Variants in RP1 observed in about 807,000 individuals in gnomAD.
RP1 encodes oxygen-regulated protein 1.
In RP1, 16 loss-of-function variants were observed where a neutral mutation model predicts 14.8. The observed-to-expected ratio is 1.08, with a 90% CI of 0.73 to 1.65. The LOEUF (loss-of-function observed/expected upper bound fraction) is 1.65, where lower values mean the gene tolerates loss of function less well. Ranked by LOEUF, RP1 falls within the 40% of genes most tolerant of loss-of-function variation. RP1 has a pLI of 0.00. For synonymous variants in RP1, 876 were observed against 883.6 expected (o/e 0.99, Z 0.15); for missense variants, 2,631 against 2,535.0 (o/e 1.04, Z -0.81).
chr8:54,781,596 G>A (rs1810191859), intron 23 of RP1, among the ~76,000 whole-genome samples: 1 of 152,036 alleles, frequency 6.6e-6, no homozygotes, highest in African/African-American at 2.4e-5. Context: ...ATAGGGCAGT[G>A]GAACTTTTAA....
chr8:54,640,657 G>C (rs945064453), intron 3 of RP1, among the ~76,000 whole-genome samples: 2 of 152,142 alleles, frequency 1.3e-5, no homozygotes, highest in East Asian at 1.9e-4. Context: ...GAGTCCTAGA[G>C]AGAACTACAC....
intron 5 of RP1, among the ~76,000 whole-genome samples, chr8:54,654,194 GT>G: frequency 6.6e-6 from 1 of 152,134 alleles, no homozygotes. Flanking sequence ...TTAGATATTG[GT>G]TTGAAAATTT....
At chr8:54,701,492 G>T in exon 14 of RP1, 1 of 1,521,918 alleles carries the variant, frequency 6.6e-7, no homozygotes, top group Non-Finnish European at 8.8e-7. Context: ...TTAGGTTAGT[G>T]GTGAAGCCAC....
At chr8:54,761,119 T>C (rs1809627641) in intron 22 of RP1, among the ~76,000 whole-genome samples, 2 of 152,256 alleles carry the variant, frequency 1.3e-5, no homozygotes, top group South Asian at 4.1e-4. Flanking sequence ...TTAGTTTAGC[T>C]GATTTCTTTT....
At chr8:54,821,783 G>A (rs1480798448) in intron 24 of RP1, among the ~76,000 whole-genome samples, 5 of 152,090 alleles carry the variant, frequency 3.3e-5, no homozygotes, top group African/African-American at 7.2e-5. Context: ...GCTCTCCTGC[G>A]TCCTGTACTG....
intron 28 of RP1, chr8:54,869,836 A>G (rs1812545277): frequency 4.2e-6 from 5 of 1,200,402 alleles, no homozygotes; most frequent in Non-Finnish European, 5.2e-6. Flanking sequence ...TTTTTTTTGC[A>G]TGGCAGATGG....
chr8:54,566,444 C>G (rs867040900), intron 1 of RP1, among the ~76,000 whole-genome samples: 1 of 152,136 alleles, frequency 6.6e-6, no homozygotes, highest in Non-Finnish European at 1.5e-5. Context: ...GGGCAGCTCA[C>G]GTTTTTGGGG....
chr8:54,728,912 C>T lies in RP1; in HGVS notation c.2521+2436C>T, dbSNP rs185207849. ...AACAATGATCAACATAGACGTAGTTCTGTCTTAGTTATGGTCCTTCCTGCT... is the reference window on the plus strand; with the variant it reads ...AACAATGATCAACATAGACGTAGTTTTGTCTTAGTTATGGTCCTTCCTGCT... On this transcript the variant is annotated intron_variant, in intron 17 of 22. Transcript: ENST00000636932. Among the ~76,000 whole-genome samples the T allele has an allele frequency of 5.3e-4, 81 of 152,234 alleles. 1 individual carries two copies. In the East Asian group the frequency reaches 0.013, roughly 25 times the overall value.
chr8:54,825,908 A>G (rs1429513651), intron 24 of RP1, among the ~76,000 whole-genome samples: 1 of 70,120 alleles, frequency 1.4e-5, no homozygotes, highest in African/African-American at 4.7e-5. Context: ...TGTCTCCACA[A>G]AAAAAAAAAA....
intron 1 of RP1, among the ~76,000 whole-genome samples, chr8:54,573,283 A>G (rs1428200857): frequency 6.6e-6 from 1 of 151,218 alleles, no homozygotes; most frequent in Non-Finnish European, 1.5e-5. Flanking sequence ...CAAAGCAAAC[A>G]GAACCAAGGT....
chr8:54,777,305 C>G (rs560375244), intron 23 of RP1, among the ~76,000 whole-genome samples: 3 of 152,276 alleles, frequency 2.0e-5, no homozygotes, highest in East Asian at 1.9e-4. Flanking sequence ...CACTTCCCAC[C>G]CGGTTGGCTG....
intron 16 of RP1, among the ~76,000 whole-genome samples, chr8:54,723,078 C>T (rs1354830806): frequency 2.6e-5 from 4 of 152,118 alleles, no homozygotes; most frequent in South Asian, 2.1e-4. Flanking sequence ...GTCCTGGGTG[C>T]GGGGAGCTTT....
chr8:54,750,915 G>C (rs915048363), intron 19 of RP1, among the ~76,000 whole-genome samples: 2 of 152,222 alleles, frequency 1.3e-5, no homozygotes, highest in African/African-American at 4.8e-5. Flanking sequence ...CATGGGAGGG[G>C]AAAAATAAGG....
In RP1 at chr8:54,629,663, C is replaced by A. The variant is rs763123902; in HGVS notation, c.5781C>A (p.Pro1927=). 3 of 1,613,900 alleles carry A rather than the reference C, an allele frequency of 1.9e-6. No individual in the cohort carries two copies. Among genetic ancestry groups the A allele is most frequent in the Non-Finnish European group, 1.7e-6 (2 of 1,179,990 alleles). Residue 1927 remains proline (P), a synonymous_variant, in exon 4 of 4, where the codon CCC becomes CCA. Transcript: ENST00000220676. ...CAATACTAACTGTTATTATCCAACC[C>A]ATGAATGAGGAAGACCGAGGATTTG... is the stretch of plus-strand genomic sequence containing the variant. ...HCPILTVIIQ[P]MNEEDRGFAY...
intron 24 of RP1, among the ~76,000 whole-genome samples, chr8:54,792,614 A>G (rs1450737841): frequency 6.6e-6 from 1 of 151,940 alleles, no homozygotes; most frequent in Non-Finnish European, 1.5e-5. Flanking sequence ...TTAAGGAGTC[A>G]TGGAATAAAT....
chr8:54,676,158 A>G (rs1807291497), intron 8 of RP1, among the ~76,000 whole-genome samples: 1 of 152,170 alleles, frequency 6.6e-6, no homozygotes, highest in Non-Finnish European at 1.5e-5. Flanking sequence ...GGGGACAAGT[A>G]TATTCAGACC....
intron 19 of RP1, among the ~76,000 whole-genome samples, chr8:54,752,039 C>T (rs556513478): frequency 2.0e-4 from 31 of 152,164 alleles, no homozygotes; most frequent in Non-Finnish European, 4.3e-4. Flanking sequence ...GAGGAAGAAC[C>T]TGTTGAAGTT....
At chr8:54,604,781 T>G (rs1805386802) in intron 1 of RP1, among the ~76,000 whole-genome samples, 1 of 152,140 alleles carries the variant, frequency 6.6e-6, no homozygotes, top group African/African-American at 2.4e-5. Context: ...GTGTATGTGT[T>G]GCGGAATTTA....
At chr8:54,664,322 C>T (rs750707010) in intron 7 of RP1, among the ~76,000 whole-genome samples, 1 of 152,124 alleles carries the variant, frequency 6.6e-6, no homozygotes, top group Admixed American at 6.6e-5. Flanking sequence ...TTGCCTCCAC[C>T]TCTTGGCTAT....
Sources: allele counts gnomAD v4.1 joint callset (sites outside exome capture counted in the v4.1 genomes callset), GRCh38; gene constraint gnomAD v4.1.1; transcripts MANE v1.5; gene names NCBI Gene and HGNC (gene_info 2026-07-23, HGNC 2026-07-21).